ACOT13: variants seen among roughly 807,000 people sequenced by gnomAD.
ACOT13 encodes acyl-CoA thioesterase 13.
ACOT13 carries 10 observed loss-of-function variants against 11.8 expected under a neutral mutation model. The ratio of observed to expected loss-of-function variants is 0.85; its 90% confidence interval spans 0.53 to 1.44. The LOEUF is 1.44. Ranked by LOEUF, ACOT13 falls within the 40% of genes most tolerant of loss-of-function variation. The probability of loss-of-function intolerance (pLI) is 0.00; values close to 1 mark genes in which losing one functional copy is unlikely to be tolerated. For missense variants in ACOT13, 172 were observed against 174.1 expected (o/e 0.99, Z 0.07); for synonymous variants, 53 against 61.0 (o/e 0.87, Z 0.61).
At chr6:24,681,573 T>C (rs1038249881) in intron 1 of ACOT13, among the ~76,000 whole-genome samples, 1 of 61,216 alleles carries the variant, frequency 1.6e-5, no homozygotes, top group South Asian at 4.6e-4. Context: ...TCTCCCTCTC[T>C]CTCCGTCTCT....
In ACOT13 at chr6:24,704,328, C is replaced by A. The variant is rs908849873; in HGVS notation, c.*2713C>A. 34 of 152,120 alleles carry A rather than the reference C, an allele frequency of 2.2e-4. No homozygotes were observed. Among genetic ancestry groups the A allele is most frequent in the African/African-American group, 8.2e-4 (34 of 41,424 alleles). 9.4% of individuals were successfully genotyped at this position (152,120 alleles called of 1,614,324 possible). A position where few individuals can be genotyped will look rare whatever the true frequency, so the allele number is the denominator to read the frequency against. On this transcript the variant is annotated 3_prime_UTR_variant, in exon 3 of 3. Coordinates refer to ENST00000230048, the MANE Select transcript of ACOT13 (RefSeq NM_018473.4). ...ACTCTGGTAACTTTTCTAAATTATT[C>A]CAAAATAAAAACGTAAACAATGGCT... is the stretch of plus-strand genomic sequence containing the variant.
At chr6:24,669,514 G>A (rs60398658) in intron 1 of ACOT13, among the ~76,000 whole-genome samples, 1 of 151,836 alleles carries the variant, frequency 6.6e-6, no homozygotes, top group Non-Finnish European at 1.5e-5. Context: ...GTGATTTGGG[G>A]GCCCAAGATA....
chr6:24,696,950 A>G (rs1778804274), intron 1 of ACOT13, among the ~76,000 whole-genome samples: 1 of 152,036 alleles, frequency 6.6e-6, no homozygotes, highest in Admixed American at 6.6e-5. Flanking sequence ...TAATTTTTGT[A>G]TTTTTAGTAG....
At chr6:24,677,268 G>A (rs1383736564) in intron 1 of ACOT13, among the ~76,000 whole-genome samples, 2 of 152,240 alleles carry the variant, frequency 1.3e-5, no homozygotes, top group Non-Finnish European at 2.9e-5. Context: ...AAATGTGGCT[G>A]TGTTAAGAGT....
intron 1 of ACOT13, among the ~76,000 whole-genome samples, chr6:24,679,215 A>G (rs1447034227): frequency 6.7e-6 from 1 of 150,166 alleles, no homozygotes; most frequent in Non-Finnish European, 1.5e-5. Context: ...GGCCATGACT[A>G]AAGCAGTGGC....
At chr6:24,671,023 A>T (rs1313229322) in intron 1 of ACOT13, among the ~76,000 whole-genome samples, 1 of 152,154 alleles carries the variant, frequency 6.6e-6, no homozygotes, top group Non-Finnish European at 1.5e-5. Context: ...GGGAGTGTAA[A>T]CTAGGTCAAC....
At chr6:24,699,077 A>C (rs1459389287) in intron 2 of ACOT13, among the ~76,000 whole-genome samples, 3 of 152,234 alleles carry the variant, frequency 2.0e-5, no homozygotes, top group East Asian at 1.9e-4. Flanking sequence ...CAATAAAGAA[A>C]GAGCTGGGCA....
chr6:24,678,729 A>G (rs1390957666), intron 1 of ACOT13, among the ~76,000 whole-genome samples: 2 of 152,218 alleles, frequency 1.3e-5, no homozygotes, highest in Non-Finnish European at 2.9e-5. Context: ...GCTTTCAGGC[A>G]TAATTAGAAA....
chr6:24,693,625 A>C (rs915169558), intron 1 of ACOT13, among the ~76,000 whole-genome samples: 1 of 152,116 alleles, frequency 6.6e-6, no homozygotes, highest in Non-Finnish European at 1.5e-5. Flanking sequence ...TTTGCTGAAA[A>C]AGTGAGGAAA....
At chr6:24,675,380 G>T (rs1165957748) in intron 1 of ACOT13, among the ~76,000 whole-genome samples, 1 of 152,040 alleles carries the variant, frequency 6.6e-6, no homozygotes, top group African/African-American at 2.4e-5. Flanking sequence ...TCCACATCCT[G>T]TCCAGCACCT....
At chr6:24,699,086 C>T (rs974336263) in intron 2 of ACOT13, among the ~76,000 whole-genome samples, 2 of 152,204 alleles carry the variant, frequency 1.3e-5, no homozygotes, top group African/African-American at 4.8e-5. Flanking sequence ...AAGAGCTGGG[C>T]ACAGGGATTT....
intron 2 of ACOT13, chr6:24,700,805 A>G (rs1433275233): frequency 6.6e-6 from 1 of 152,158 alleles, no homozygotes; most frequent in Non-Finnish European, 1.5e-5. Flanking sequence ...AAAAATACAT[A>G]TCCTTTTTAA....
At chr6:24,688,042 T>C (rs886440652) in intron 1 of ACOT13, among the ~76,000 whole-genome samples, 14 of 152,032 alleles carry the variant, frequency 9.2e-5, no homozygotes, top group African/African-American at 3.4e-4. Context: ...TTACTATTAA[T>C]AGAAAAACTT....
chr6:24,683,735 A>G, intron 1 of ACOT13, among the ~76,000 whole-genome samples: 1 of 19,526 alleles, frequency 5.1e-5, no homozygotes, highest in African/African-American at 5.8e-4. Flanking sequence ...TAGGTGGGAG[A>G]CCAACTGCTG....
chr6:24,674,301 A>G (rs1278894846), intron 1 of ACOT13, among the ~76,000 whole-genome samples: 1 of 152,038 alleles, frequency 6.6e-6, no homozygotes, highest in Non-Finnish European at 1.5e-5. Flanking sequence ...AGTGATCTGC[A>G]TGCCACGGCC....
At chr6:24,690,294 T>C (rs1236808633) in intron 1 of ACOT13, among the ~76,000 whole-genome samples, 1 of 152,200 alleles carries the variant, frequency 6.6e-6, no homozygotes, top group Non-Finnish European at 1.5e-5. Flanking sequence ...AAAGGAGAAC[T>C]GGAAGTGTGA....
At chr6:24,688,777 A>C (rs188922780) in intron 1 of ACOT13, among the ~76,000 whole-genome samples, 9 of 152,192 alleles carry the variant, frequency 5.9e-5, no homozygotes, top group African/African-American at 2.2e-4. Flanking sequence ...GTCAGGCACT[A>C]TGCACTTTGT....
chr6:24,691,984 A>G (rs1045243618), intron 1 of ACOT13, among the ~76,000 whole-genome samples: 4 of 152,216 alleles, frequency 2.6e-5, no homozygotes, highest in Non-Finnish European at 4.4e-5. Context: ...TGTAGCTACT[A>G]TTGAGACTAA....
intron 1 of ACOT13, among the ~76,000 whole-genome samples, chr6:24,692,287 AG>A (rs1382960064): frequency 3.3e-5 from 5 of 152,314 alleles, no homozygotes; most frequent in African/African-American, 1.2e-4. Context: ...GAGGCTGCCA[AG>A]GGTCCTTTGA....
Sources: allele counts gnomAD v4.1 joint callset (sites outside exome capture counted in the v4.1 genomes callset), GRCh38; gene constraint gnomAD v4.1.1; transcripts MANE v1.5; gene names NCBI Gene and HGNC (gene_info 2026-07-23, HGNC 2026-07-21).